The following KIZ variants were observed in gnomAD, a reference collection of about 807,000 sequenced individuals.
The protein encoded by KIZ is centrosomal protein kizuna.
Under a neutral mutation model 79.6 loss-of-function variants are expected in KIZ, and 68 were observed. That is an observed-to-expected ratio of 0.85 (90% CI 0.70 to 1.05). The LOEUF is 1.05. Among genes scored for constraint, KIZ ranks in the 50% least tolerant of loss-of-function variants. The probability of loss-of-function intolerance (pLI) is 0.00; values close to 1 mark genes in which losing one functional copy is unlikely to be tolerated. For synonymous variants in KIZ, 280 were observed against 281.8 expected (o/e 0.99, Z 0.06); for missense variants, 797 against 800.4 (o/e 1.00, Z 0.05).
At chr20:21,184,146 C>CT (rs545005735) in intron 6 of KIZ, among the ~76,000 whole-genome samples, 6,924 of 137,680 alleles carry the variant, frequency 0.05, 225 homozygotes, top group Non-Finnish European at 0.077. Context: ...TCCCTGACAT[C>CT]TTTTTTTTTT....
chr20:21,127,706 G>C (rs1433144249), intron 1 of KIZ, among the ~76,000 whole-genome samples: 1 of 152,126 alleles, frequency 6.6e-6, no homozygotes, highest in South Asian at 2.1e-4. Flanking sequence ...CAGTTATAGA[G>C]GCAAATAATT....
At chr20:21,205,755 G>T (rs1419016715) in intron 7 of KIZ, among the ~76,000 whole-genome samples, 171 bp downstream of exon 7, 4 of 152,020 alleles carry the variant, frequency 2.6e-5, no homozygotes, top group Non-Finnish European at 5.9e-5. Flanking sequence ...GCGGTCAAGA[G>T]ATCGAGACCA....
intron 3 of KIZ, chr20:21,138,860 T>C (rs2032346862): frequency 6.6e-6 from 1 of 151,970 alleles, no homozygotes; most frequent in Non-Finnish European, 1.5e-5. Flanking sequence ...TGTTTTATTG[T>C]ATCTTCTGTT....
chr20:21,223,096 A>T (rs886533040), intron 9 of KIZ, among the ~76,000 whole-genome samples: 1 of 152,218 alleles, frequency 6.6e-6, no homozygotes, highest in Non-Finnish European at 1.5e-5. Context: ...CATTGAGTAC[A>T]AATGGCTAAA....
intron 9 of KIZ, among the ~76,000 whole-genome samples, chr20:21,228,462 G>T (rs2036724917): frequency 6.6e-6 from 1 of 152,158 alleles, no homozygotes; most frequent in African/African-American, 2.4e-5. Context: ...ACCTGGCTTT[G>T]CTCTCTACAA....
At chr20:21,205,341 A>G in intron 6 of KIZ, 150 bp from the exon 7 acceptor site, 1 of 466,250 alleles carries the variant, frequency 2.1e-6, no homozygotes, top group South Asian at 4.6e-5. Context: ...AAAAAAGGAT[A>G]CTTGGACTCA....
rs72536116 is a variant in KIZ, at chr20:21,237,301, CAAA to C, written c.1880+4490_1880+4492del. On this transcript the variant is annotated intron_variant, in intron 11 of 12. Transcript: ENST00000619189. The stretch of plus-strand genomic sequence containing the variant: ...TGGGTGACAGAACAAAACTCCGTCT[CAAA>C]AAAAAAAAAAAAAAAAAATAGATAT... Among the ~76,000 whole-genome samples the C allele has an allele frequency of 1.8e-3, 105 of 58,644 alleles. 1 individual carries two copies. Among genetic ancestry groups the C allele is most frequent in the African/African-American group, 6.2e-3 (95 of 15,264 alleles). 38.5% of individuals were successfully genotyped at this position (58,644 alleles called of 152,430 possible). A position where few individuals can be genotyped will look rare whatever the true frequency, so the allele number is the denominator to read the frequency against.
intron 6 of KIZ, chr20:21,195,263 G>A (rs978548488): frequency 6.6e-6 from 1 of 152,284 alleles, no homozygotes; most frequent in African/African-American, 2.4e-5. Context: ...AAGCATTACT[G>A]AGCACTGGCA....
At chr20:21,140,934 A>G (rs1241176461) in intron 3 of KIZ, among the ~76,000 whole-genome samples, 3 of 151,970 alleles carry the variant, frequency 2.0e-5, no homozygotes, top group Non-Finnish European at 4.4e-5. Flanking sequence ...TGAGCCCAGG[A>G]GGTTGAGGTT....
chr20:21,166,395 C>G, intron 6 of KIZ: 1 of 1,599,856 alleles, frequency 6.3e-7, no homozygotes, highest in Non-Finnish European at 8.5e-7. Context: ...CTTGTTTAGC[C>G]TGCCTGTGAG....
chr20:21,202,734 T>C (rs2035647857), intron 6 of KIZ, among the ~76,000 whole-genome samples: 1 of 152,214 alleles, frequency 6.6e-6, no homozygotes. Context: ...CAGATTGTAC[T>C]CCTGACATTT....
At chr20:21,233,442 T>C (rs2036899491) in intron 11 of KIZ, among the ~76,000 whole-genome samples, 1 of 152,202 alleles carries the variant, frequency 6.6e-6, no homozygotes, top group South Asian at 2.1e-4. Context: ...AAAATACTAA[T>C]CACAGTAGCT....
At chr20:21,169,105 C>T (rs995106070) in intron 6 of KIZ, among the ~76,000 whole-genome samples, 2 of 152,120 alleles carry the variant, frequency 1.3e-5, no homozygotes, top group Non-Finnish European at 2.9e-5. Flanking sequence ...AACTAAAGAG[C>T]TTCTGCACAG....
At chr20:21,141,376 T>G (rs902157414) in intron 3 of KIZ, among the ~76,000 whole-genome samples, 1 of 152,214 alleles carries the variant, frequency 6.6e-6, no homozygotes, top group African/African-American at 2.4e-5. Flanking sequence ...AGGGAACTTC[T>G]GGTAAGTGGT....
At chr20:21,246,321 G>C in intron 12 of KIZ, 158 bp from the exon 13 acceptor site, 1 of 629,884 alleles carries the variant, frequency 1.6e-6, no homozygotes, top group East Asian at 2.8e-5. Context: ...AGTATGACAT[G>C]CATTTGGGTG....
intron 6 of KIZ, among the ~76,000 whole-genome samples, chr20:21,191,847 GAAA>G (rs766655150): frequency 7.6e-6 from 1 of 131,128 alleles, no homozygotes; most frequent in Admixed American, 7.7e-5. Context: ...TTAAAAGAAA[GAAA>G]AAAAAAAAAA....
intron 11 of KIZ, among the ~76,000 whole-genome samples, chr20:21,243,901 A>G (rs1185004282): frequency 6.6e-6 from 1 of 152,192 alleles, no homozygotes; most frequent in Admixed American, 6.5e-5. Flanking sequence ...GTCTTCCAGA[A>G]GACTGTTGAG....
At chr20:21,228,974 A>G (rs750787517) in intron 9 of KIZ, 37 bp from the exon 10 acceptor site, 1 of 1,203,760 alleles carries the variant, frequency 8.3e-7, no homozygotes, top group South Asian at 1.3e-5. Context: ...TGGCCAGTAA[A>G]AAATGTAATA....
At chr20:21,224,163 A>G (rs569421370) in intron 9 of KIZ, among the ~76,000 whole-genome samples, 1 of 150,136 alleles carries the variant, frequency 6.7e-6, no homozygotes, top group African/African-American at 2.5e-5. Flanking sequence ...AGTGGTGCAG[A>G]TAACAGCGTT....
Sources: allele counts gnomAD v4.1 joint callset (sites outside exome capture counted in the v4.1 genomes callset), GRCh38; gene constraint gnomAD v4.1.1; transcripts MANE v1.5; gene names NCBI Gene and HGNC (gene_info 2026-07-23, HGNC 2026-07-21).